Variants in TBCE observed in about 807,000 individuals in gnomAD.
TBCE encodes the protein tubulin-specific chaperone E.
Under a neutral mutation model 77.0 loss-of-function variants are expected in TBCE, and 53 were observed. That is an observed-to-expected ratio of 0.69 (90% CI 0.55 to 0.87). TBCE has a LOEUF of 0.87. Among genes scored for constraint, TBCE ranks in the 40% least tolerant of loss-of-function variants. The pLI, the probability that TBCE is intolerant of heterozygous loss-of-function variation, is 0.00. For synonymous variants in TBCE, 235 were observed against 241.3 expected, an observed-to-expected ratio of 0.97 and a Z score of 0.24; for missense variants, 624 against 622.4, an observed-to-expected ratio of 1.00 and a Z score of -0.03.
At chr1:235,433,283 T>A in intron 7 of TBCE, 1 of 794,910 alleles carries the variant, frequency 1.3e-6, no homozygotes, top group Non-Finnish European at 1.7e-6. Flanking sequence ...TGCAGTGGTG[T>A]GATATTGGCT....
intron 2 of TBCE, among the ~76,000 whole-genome samples, chr1:235,398,474 C>T (rs1490903523): frequency 2.6e-5 from 4 of 151,742 alleles, no homozygotes; most frequent in Admixed American, 2.6e-4. Flanking sequence ...TTAATGAGAG[C>T]ATTTATACCA....
At chr1:235,398,628 T>C (rs1321878459) in intron 2 of TBCE, among the ~76,000 whole-genome samples, 2 of 149,602 alleles carry the variant, frequency 1.3e-5, no homozygotes, top group Non-Finnish European at 3.0e-5. Context: ...TTTTCTTTTT[T>C]TTTTTTTTGA....
In TBCE at chr1:235,380,069, CGGA is replaced by C; in HGVS notation, c.21_23del (p.Asp8del). 6.2e-7 allele frequency: 1 copy of C among 1,613,160 alleles called. No homozygotes were observed. Among genetic ancestry groups the C allele is most frequent in the Non-Finnish European group, 8.5e-7 (1 of 1,179,638 alleles). On this transcript the variant is annotated inframe_deletion, in exon 2 of 17. Transcript: ENST00000642610. ...ATTATAATGAGTGACACTTTGACAG[CGGA>C]TGTCATTGGTCGAAGAGTTGAAGTT...
chr1:235,442,818 T>A, intron 14 of TBCE, 34 bp from the exon 15 acceptor site: 2 of 1,597,034 alleles, frequency 1.3e-6, no homozygotes, highest in East Asian at 2.2e-5. Flanking sequence ...TAATAGTAGA[T>A]ATCAATTAGT....
At chr1:235,443,109 C>T (rs979836855) in intron 15 of TBCE, 198 bp downstream of exon 15, 2 of 607,478 alleles carry the variant, frequency 3.3e-6, no homozygotes, top group African/African-American at 3.7e-5. Context: ...TCAGGTCTCC[C>T]CTAACTTTAT....
In TBCE at chr1:235,430,767, T is replaced by C; in HGVS notation, c.623T>C (p.Val208Ala). The C allele has an allele frequency of 6.2e-7, 1 of 1,613,726 alleles. No homozygotes were observed. The highest frequency in any genetic ancestry group is 2.2e-5 in the East Asian group (1 of 44,800). Residue 208 changes from valine (V) to alanine (A), a missense_variant, in exon 7 of 17, where the codon GTT becomes GCT. Coordinates refer to ENST00000642610, the MANE Select transcript of TBCE (RefSeq NM_003193.5). ...ACTGGAACGCTTTCTGTACTGAAGG[T>C]TTTAGTCCTCAATCAAACAGGAATA... ...VLTGTLSVLK[V>A]LVLNQTGITW...
chr1:235,437,508 G>T (rs1478383274), intron 12 of TBCE, 34 bp downstream of exon 12: 1 of 1,612,222 alleles, frequency 6.2e-7, no homozygotes, highest in Admixed American at 1.7e-5. Context: ...ATATTTTTTA[G>T]ACTAGAAAAT....
chr1:235,425,497 T>G (rs1680659795), intron 5 of TBCE, among the ~76,000 whole-genome samples: 1 of 152,172 alleles, frequency 6.6e-6, no homozygotes, highest in Non-Finnish European at 1.5e-5. Flanking sequence ...TGTTGTTGTT[T>G]TGTTTTTTGA....
chr1:235,409,975 A>G (rs1159154358), intron 3 of TBCE, among the ~76,000 whole-genome samples: 1 of 147,530 alleles, frequency 6.8e-6, no homozygotes, highest in African/African-American at 2.6e-5. Context: ...GATTGCAGTG[A>G]ACCGAGATCG....
At chr1:235,400,699 C>CT (rs1012601112) in intron 2 of TBCE, among the ~76,000 whole-genome samples, 366 of 133,516 alleles carry the variant, frequency 2.7e-3, no homozygotes, top group African/African-American at 7.0e-3. Flanking sequence ...TGTGCCCAGC[C>CT]TTTTTTTTTT....
At chr1:235,433,159 G>A in intron 7 of TBCE, 1 of 1,388,142 alleles carries the variant, frequency 7.2e-7, no homozygotes, top group Non-Finnish European at 9.4e-7. Flanking sequence ...CTGCAGGACT[G>A]TTTGCAGGAT....
chr1:235,441,781 T>C, intron 13 of TBCE, 33 bp from the exon 14 acceptor site: 18 of 1,602,714 alleles, frequency 1.1e-5, no homozygotes, highest in Non-Finnish European at 1.5e-5. Flanking sequence ...TGGCCTTTGG[T>C]TTATCATTCA....
Position 235,427,242 on chromosome 1 carries a change from A to G in TBCE, c.560+3A>G, listed in dbSNP as rs1297688687. The stretch of plus-strand genomic sequence containing the variant: ...CACCTGGAAGTCCTTAATGTCAGGT[A>G]TGAACTCTTGGTTGCTGAATCTTCA... On this transcript the variant is annotated splice_donor_region_variant and intron_variant, in intron 6 of 16. Coordinates refer to ENST00000642610, the MANE Select transcript of TBCE (RefSeq NM_003193.5). 1 of 1,596,252 alleles carries G rather than the reference A, an allele frequency of 6.3e-7. No homozygotes were observed. Among genetic ancestry groups the G allele is most frequent in the Admixed American group, 1.7e-5 (1 of 59,988 alleles).
At chr1:235,426,812 A>G (rs913351366) in intron 5 of TBCE, among the ~76,000 whole-genome samples, 1 of 152,092 alleles carries the variant, frequency 6.6e-6, no homozygotes, top group African/African-American at 2.4e-5. Flanking sequence ...CACCTGGTTA[A>G]TTTCTGTATT....
intron 3 of TBCE, among the ~76,000 whole-genome samples, chr1:235,409,406 T>G (rs189683266): frequency 1.3e-5 from 2 of 152,306 alleles, no homozygotes; most frequent in African/African-American, 4.8e-5. Flanking sequence ...TAATGTAGAA[T>G]CTCAGTGGAG....
At chr1:235,423,530 C>T (rs1425504849) in intron 5 of TBCE, 8 of 152,400 alleles carry the variant, frequency 5.2e-5, no homozygotes, top group African/African-American at 9.7e-5. Flanking sequence ...ACCCAGAGGC[C>T]GGGAAAGCAC....
chr1:235,404,587 G>A (rs1360350194), intron 3 of TBCE, among the ~76,000 whole-genome samples: 2 of 152,022 alleles, frequency 1.3e-5, no homozygotes, highest in African/African-American at 2.4e-5. Context: ...GTAGCCTTAG[G>A]CTACACTAAA....
chr1:235,440,265 C>T lies in TBCE; in HGVS notation c.1270+1343C>T, dbSNP rs557480083. Among the ~76,000 whole-genome samples, 164 of 152,216 alleles carry T rather than the reference C, an allele frequency of 1.1e-3. 2 individuals are homozygous for T. Among genetic ancestry groups the T allele is most frequent in the African/African-American group, 3.6e-3 (151 of 41,546 alleles). ...GATTACAGGCGTGAGCCACCGCGCC[C>T]AGCCAGGGAAAGCACTTCTTAAATG... is the stretch of plus-strand genomic sequence containing the variant. On this transcript the variant is annotated intron_variant, in intron 13 of 16. Transcript: ENST00000642610.
intron 2 of TBCE, among the ~76,000 whole-genome samples, chr1:235,381,934 A>G (rs1288085436): frequency 1.4e-5 from 2 of 144,860 alleles, no homozygotes; most frequent in Non-Finnish European, 3.0e-5. Flanking sequence ...ATTTAGCATT[A>G]GGTATATCTC....
Sources: gnomAD v4.1 joint callset for allele counts (sites outside exome capture counted in the v4.1 genomes callset) on GRCh38, gnomAD v4.1.1 for gene constraint, MANE v1.5 for transcripts, NCBI Gene and HGNC (gene_info 2026-07-23, HGNC 2026-07-21) for gene names.